Variants in FAM107B observed in about 807,000 individuals in gnomAD.
FAM107B encodes family with sequence similarity 107 member B.
A neutral mutation model predicts 31.5 loss-of-function variants in FAM107B; 21 were observed. The ratio of observed to expected loss-of-function variants is 0.67; its 90% CI spans 0.47 to 0.96. The LOEUF is 0.96. Among genes scored for constraint, FAM107B ranks in the 40% least tolerant of loss-of-function variants. The pLI is 0.00. For missense variants in FAM107B, 452 were observed against 377.1 expected (o/e 1.20, Z -1.64); for synonymous variants, 157 against 141.5 (o/e 1.11, Z -0.78).
chr10:14,554,710 C>A (rs1849550340), intron 2 of FAM107B, among the ~76,000 whole-genome samples: 1 of 152,216 alleles, frequency 6.6e-6, no homozygotes, highest in Non-Finnish European at 1.5e-5. Flanking sequence ...TAAGTTTCAA[C>A]AGAACATTTC....
At chr10:14,684,345 G>T (rs1854921596) in intron 1 of FAM107B, among the ~76,000 whole-genome samples, 1 of 152,164 alleles carries the variant, frequency 6.6e-6, no homozygotes, top group Non-Finnish European at 1.5e-5. Context: ...CCAGCTACTT[G>T]GGAGGCTGAG....
intron 1 of FAM107B, among the ~76,000 whole-genome samples, chr10:14,722,388 C>T (rs1588730971): frequency 6.6e-6 from 1 of 152,288 alleles, no homozygotes; most frequent in East Asian, 1.9e-4. Context: ...CTTTTCATTG[C>T]CAAACAATAT....
At chr10:14,543,406 T>A (rs544526456) in intron 2 of FAM107B, among the ~76,000 whole-genome samples, 21 of 152,182 alleles carry the variant, frequency 1.4e-4, no homozygotes, top group African/African-American at 4.8e-4. Context: ...TGGAGACCAC[T>A]CAGGAAGGAG....
intron 1 of FAM107B, among the ~76,000 whole-genome samples, chr10:14,773,830 C>A (rs533236421): frequency 4.6e-4 from 70 of 152,154 alleles, no homozygotes; most frequent in Non-Finnish European, 8.5e-4. Flanking sequence ...TAAGTAGAGG[C>A]AGTTTTGTGA....
chr10:14,616,118 A>C (rs1012091863), intron 2 of FAM107B, among the ~76,000 whole-genome samples: 4 of 152,196 alleles, frequency 2.6e-5, no homozygotes, highest in African/African-American at 7.2e-5. Context: ...CCTTAAGGAC[A>C]GTGGCTTTTT....
intron 2 of FAM107B, among the ~76,000 whole-genome samples, chr10:14,632,164 G>A (rs1417957890): frequency 6.6e-6 from 1 of 151,964 alleles, no homozygotes; most frequent in Non-Finnish European, 1.5e-5. Flanking sequence ...CAGTCATGGT[G>A]GCGTGCACTT....
At chr10:14,584,626 A>T (rs1851764147) in intron 2 of FAM107B, among the ~76,000 whole-genome samples, 1 of 152,164 alleles carries the variant, frequency 6.6e-6, no homozygotes, top group Non-Finnish European at 1.5e-5. Flanking sequence ...TACAATTATA[A>T]ACAGCTCCAA....
intron 2 of FAM107B, among the ~76,000 whole-genome samples, chr10:14,616,309 G>C (rs776149290): frequency 6.6e-6 from 1 of 152,090 alleles, no homozygotes; most frequent in Non-Finnish European, 1.5e-5. Context: ...CTGGAAACTC[G>C]AGCTTCAAAA....
chr10:14,541,330 C>T (rs1438511286), intron 2 of FAM107B, among the ~76,000 whole-genome samples: 1 of 152,196 alleles, frequency 6.6e-6, no homozygotes, highest in African/African-American at 2.4e-5. Context: ...ACTGCTTGGC[C>T]TTCTGTGGCC....
At chr10:14,641,732 C>A (rs1022868563) in intron 2 of FAM107B, among the ~76,000 whole-genome samples, 5 of 152,190 alleles carry the variant, frequency 3.3e-5, no homozygotes, top group Non-Finnish European at 7.3e-5. Flanking sequence ...TGCCCTATCT[C>A]CAAATACCAT....
intron 2 of FAM107B, among the ~76,000 whole-genome samples, chr10:14,576,345 G>A (rs1490243925): frequency 2.0e-5 from 3 of 152,152 alleles, no homozygotes; most frequent in Non-Finnish European, 2.9e-5. Context: ...TGGCAAACAT[G>A]GTGAAACCCC....
At chr10:14,733,492 T>C (rs1226882261) in intron 1 of FAM107B, among the ~76,000 whole-genome samples, 1 of 152,166 alleles carries the variant, frequency 6.6e-6, no homozygotes, top group East Asian at 1.9e-4. Context: ...AGTTCCTAAA[T>C]GAAGGGTAGA....
intron 1 of FAM107B, among the ~76,000 whole-genome samples, chr10:14,672,341 G>A (rs1035923748): frequency 2.6e-5 from 4 of 152,132 alleles, no homozygotes; most frequent in Middle Eastern, 3.2e-3. Flanking sequence ...GCCCGCCTCG[G>A]CCTCCCAAAC....
chr10:14,666,500 G>A (rs1854407248), intron 2 of FAM107B, among the ~76,000 whole-genome samples: 1 of 152,102 alleles, frequency 6.6e-6, no homozygotes, highest in South Asian at 2.1e-4. Flanking sequence ...GGGGATTATG[G>A]GAACTGCAAT....
chr10:14,744,441 T>C (rs1832685221), intron 1 of FAM107B, among the ~76,000 whole-genome samples: 1 of 152,214 alleles, frequency 6.6e-6, no homozygotes, highest in Non-Finnish European at 1.5e-5. Flanking sequence ...TCAAGTGGAA[T>C]GCTTCCAGCT....
chr10:14,637,509 T>C (rs960872130), intron 2 of FAM107B, among the ~76,000 whole-genome samples: 2 of 152,062 alleles, frequency 1.3e-5, no homozygotes, highest in Admixed American at 6.6e-5. Context: ...TGGCTAACTT[T>C]TTATGGTGCT....
intron 1 of FAM107B, among the ~76,000 whole-genome samples, chr10:14,745,832 G>C: frequency 6.6e-6 from 1 of 152,188 alleles, no homozygotes; most frequent in South Asian, 2.1e-4. Flanking sequence ...ATCCAGAGCT[G>C]AGTTCAGGTT....
rs5783415 is a variant in FAM107B at position 14,652,155 on chromosome 10, T to TA, written c.469+15478dup. On this transcript the variant is annotated intron_variant, in intron 2 of 4. Transcript: ENST00000181796. The stretch of plus-strand genomic sequence containing the variant: ...AACATAGATATTCAACTTCAAATGT[T>TA]AAAAAAAAAAAGCAGTGACTCTTAT... 4.6e-4 allele frequency among the ~76,000 whole-genome samples: 70 copies of TA among 150,850 alleles called. 1 individual carries two copies. The highest frequency in any genetic ancestry group is 1.8e-3 in the Admixed American group (28 of 15,138).
chr10:14,535,713 G>A (rs1261281934), intron 2 of FAM107B, among the ~76,000 whole-genome samples: 2 of 152,232 alleles, frequency 1.3e-5, no homozygotes, highest in Non-Finnish European at 2.9e-5. Context: ...TGTTCTGAAT[G>A]GAGGGGACTC....
Sources: gnomAD v4.1 joint callset for allele counts (sites outside exome capture counted in the v4.1 genomes callset) on GRCh38, gnomAD v4.1.1 for gene constraint, MANE v1.5 for transcripts, NCBI Gene and HGNC (gene_info 2026-07-23, HGNC 2026-07-21) for gene names.